Variants in FBXO11 observed in about 807,000 individuals in gnomAD.
The protein encoded by FBXO11 is F-box protein 11, also known as F-box only protein 11.
A neutral mutation model predicts 117.0 loss-of-function variants in FBXO11; 13 were observed. The observed-to-expected ratio is 0.11, with a 90% CI of 0.07 to 0.18. The LOEUF is 0.18. FBXO11 is among the 10% of genes least tolerant of loss of function. The probability of loss-of-function intolerance (pLI) is 1.00; values close to 1 mark genes in which losing one functional copy is unlikely to be tolerated. For synonymous variants in FBXO11, 490 were observed against 380.5 expected (o/e 1.29, Z -3.35); for missense variants, 767 against 1,164.4 (o/e 0.66, Z 4.97).
At chr2:47,840,514 G>A (rs897042799) in intron 1 of FBXO11, among the ~76,000 whole-genome samples, 1 of 147,710 alleles carries the variant, frequency 6.8e-6, no homozygotes, top group Non-Finnish European at 1.5e-5. Flanking sequence ...GCAGTGGCCC[G>A]ATCACAGCTC....
chr2:47,868,200 T>C (rs545855736), intron 1 of FBXO11, among the ~76,000 whole-genome samples: 1 of 151,164 alleles, frequency 6.6e-6, no homozygotes, highest in East Asian at 2.0e-4. Flanking sequence ...GGAGAATCAC[T>C]TGAACCCGGG....
intron 1 of FBXO11, among the ~76,000 whole-genome samples, chr2:47,887,725 G>A (rs896437786): frequency 6.6e-6 from 1 of 152,172 alleles, no homozygotes; most frequent in Admixed American, 6.5e-5. Flanking sequence ...GCCGGGCATG[G>A]TGGCACACGC....
At chr2:47,841,425 T>C (rs963962636) in intron 1 of FBXO11, among the ~76,000 whole-genome samples, 1 of 152,066 alleles carries the variant, frequency 6.6e-6, no homozygotes, top group African/African-American at 2.4e-5. Context: ...CAATAGTTTG[T>C]AAAATCACAA....
intron 1 of FBXO11, among the ~76,000 whole-genome samples, chr2:47,844,734 C>T (rs1673279825): frequency 6.6e-6 from 1 of 152,172 alleles, no homozygotes; most frequent in South Asian, 2.1e-4. Context: ...TCACTGCAAC[C>T]TCCGTTTCCC....
chr2:47,807,002 C>T lies in FBXO11; in HGVS notation c.*1116G>A, dbSNP rs1670252685. 4 of 693,594 alleles carry T rather than the reference C, an allele frequency of 5.8e-6. No individual in the cohort carries two copies. Among genetic ancestry groups the T allele is most frequent in the Non-Finnish European group, 1.0e-5 (4 of 394,680 alleles). The allele number at this position is 693,594 out of a possible 1,614,324, so 43.0% of individuals were successfully genotyped here. On this transcript the variant is annotated 3_prime_UTR_variant, in exon 23 of 23. Coordinates refer to ENST00000403359, the MANE Select transcript of FBXO11 (RefSeq NM_001190274.2). ...GAAATTAAACCCTTTTAATTCTTAT[C>T]TACCTTCTACATAATGGTTATTGAA... is the stretch of plus-strand genomic sequence containing the variant.
intron 1 of FBXO11, among the ~76,000 whole-genome samples, chr2:47,870,236 G>A (rs1412636364): frequency 1.3e-5 from 2 of 152,058 alleles, no homozygotes; most frequent in Non-Finnish European, 2.9e-5. Context: ...TAGTGTTATT[G>A]CTACTTACCA....
At chr2:47,869,465 T>A (rs1387931945) in intron 1 of FBXO11, among the ~76,000 whole-genome samples, 1 of 152,106 alleles carries the variant, frequency 6.6e-6, no homozygotes, top group African/African-American at 2.4e-5. Flanking sequence ...ATACAGGAGA[T>A]CCCCTAAGGC....
At chr2:47,862,038 G>A (rs766351949) in intron 1 of FBXO11, among the ~76,000 whole-genome samples, 37 of 151,952 alleles carry the variant, frequency 2.4e-4, no homozygotes, top group African/African-American at 7.7e-4. Context: ...ACAGCCTCCC[G>A]AGTGGCTGGG....
At chr2:47,835,838 A>C in intron 5 of FBXO11, 34 bp downstream of exon 5, 3 of 1,518,596 alleles carry the variant, frequency 2.0e-6, no homozygotes, top group Non-Finnish European at 2.7e-6. Context: ...CAAATGTATA[A>C]TATAAACCAA....
Position 47,838,104 on chromosome 2 carries a change from A to C in FBXO11, c.587+755T>G, listed in dbSNP as rs557779924. Among the ~76,000 whole-genome samples the C allele has an allele frequency of 5.4e-5, 8 of 149,440 alleles. No individual in the cohort carries two copies. In the South Asian group the frequency reaches 1.7e-3, roughly 32 times the overall value. ...AAAAATTAGCTGGGCATGGTGACAC[A>C]TGCCTGTGGTGCCAGCTACTCAGGA... On this transcript the variant is annotated intron_variant, in intron 4 of 22. Transcript: ENST00000403359.
intron 16 of FBXO11, chr2:47,814,304 C>G (rs1464536469): frequency 6.6e-6 from 1 of 152,424 alleles, no homozygotes; most frequent in Non-Finnish European, 1.5e-5. Context: ...TAAAAAAAAG[C>G]ACATACCCTA....
chr2:47,904,332 G>A (rs1320480815), intron 1 of FBXO11, among the ~76,000 whole-genome samples: 1 of 151,978 alleles, frequency 6.6e-6, no homozygotes, highest in Non-Finnish European at 1.5e-5. Flanking sequence ...TACCACTACT[G>A]CGAACAGCTA....
chr2:47,807,252 C>CTGTT lies in FBXO11; in HGVS notation c.*862_*865dup, dbSNP rs564683969. 53 of 229,926 alleles carry CTGTT rather than the reference C, an allele frequency of 2.3e-4. No homozygotes were observed. Among genetic ancestry groups the CTGTT allele is most frequent in the African/African-American group, 5.6e-4 (25 of 44,826 alleles). 14.2% of individuals were successfully genotyped at this position (229,926 alleles called of 1,614,324 possible). ...CTATGAACAGAGTTCAAATACAGGA[C>CTGTT]TGTTTGTTTTGAAGAGACTTTCTAA... is the stretch of plus-strand genomic sequence containing the variant. On this transcript the variant is annotated 3_prime_UTR_variant, in exon 23 of 23. Coordinates refer to ENST00000403359, the MANE Select transcript of FBXO11 (RefSeq NM_001190274.2).
chr2:47,827,283 A>T (rs955767820), intron 11 of FBXO11, among the ~76,000 whole-genome samples: 3 of 152,156 alleles, frequency 2.0e-5, no homozygotes, highest in Non-Finnish European at 4.4e-5. Flanking sequence ...GATTCAGTTA[A>T]TGTAATTTTG....
intron 11 of FBXO11, 23 bp from the exon 12 acceptor site, chr2:47,823,383 C>G: frequency 6.5e-7 from 1 of 1,534,714 alleles, no homozygotes. Flanking sequence ...GAAATTAAAT[C>G]TGTAGGTAAA....
chr2:47,824,777 T>C (rs1049588269), intron 11 of FBXO11, among the ~76,000 whole-genome samples: 1 of 152,196 alleles, frequency 6.6e-6, no homozygotes, highest in African/African-American at 2.4e-5. Flanking sequence ...ATTTCTTAAA[T>C]TTCCTATATA....
Position 47,897,025 on chromosome 2 carries a change from T to G in FBXO11, c.232+8464A>C, listed in dbSNP as rs1329428542. Among the ~76,000 whole-genome samples the G allele has an allele frequency of 7.9e-5, 12 of 152,230 alleles. 1 individual carries two copies. In the South Asian group the frequency reaches 1.9e-3, roughly 24 times the overall value. On this transcript the variant is annotated intron_variant, in intron 1 of 22. Transcript: ENST00000403359. ...TAATTCCCTTTAAAGCTTGTTTTTT[T>G]CTTTTTTCAAAAAGTTATGACCAAT...
chr2:47,835,525 G>A (rs1023006833), intron 5 of FBXO11, among the ~76,000 whole-genome samples: 46 of 151,902 alleles, frequency 3.0e-4, no homozygotes, highest in African/African-American at 1.1e-3. Flanking sequence ...TGAGACAAGA[G>A]TCTCACTCTG....
chr2:47,889,798 A>G (rs1314218051), intron 1 of FBXO11, among the ~76,000 whole-genome samples: 1 of 152,224 alleles, frequency 6.6e-6, no homozygotes, highest in Non-Finnish European at 1.5e-5. Flanking sequence ...CCATACCACT[A>G]GGGTACCTTC....
Sources: gnomAD v4.1 joint callset for allele counts (sites outside exome capture counted in the v4.1 genomes callset) on GRCh38, gnomAD v4.1.1 for gene constraint, MANE v1.5 for transcripts, NCBI Gene and HGNC (gene_info 2026-07-23, HGNC 2026-07-21) for gene names.